FRK: variants seen among roughly 807,000 people sequenced by gnomAD.
FRK encodes tyrosine-protein kinase FRK.
FRK carries 51 observed loss-of-function variants against 56.4 expected under a neutral mutation model. The ratio of observed to expected loss-of-function variants is 0.90; its 90% CI spans 0.72 to 1.14. The LOEUF (loss-of-function observed/expected upper bound fraction) is 1.14. Ranked by LOEUF, FRK falls within the 50% of genes most tolerant of loss-of-function variation. FRK has a pLI of 0.00. For synonymous variants in FRK, 245 were observed against 217.9 expected (o/e 1.12, Z -1.10); for missense variants, 570 against 601.4 (o/e 0.95, Z 0.55).
intron 2 of FRK, among the ~76,000 whole-genome samples, chr6:115,984,754 T>TAA (rs71012318): frequency 1.8e-4 from 26 of 141,748 alleles, no homozygotes; most frequent in Non-Finnish European, 1.8e-4. Context: ...AAGGGGAGAT[T>TAA]AAAAAAAAAA....
chr6:116,090,510 GC>G, the FRK span, among the ~76,000 whole-genome samples: 3 of 152,196 alleles, frequency 2.0e-5, no homozygotes, highest in Non-Finnish European at 2.9e-5. Flanking sequence ...GCCTGAAATG[GC>G]CGCATGGTTT....
At chr6:116,046,644 TA>T (rs2114803567) in intron 1 of FRK, among the ~76,000 whole-genome samples, 1 of 151,962 alleles carries the variant, frequency 6.6e-6, no homozygotes, top group Admixed American at 6.6e-5. Context: ...GGTAGGGGGC[TA>T]GGGGAGGGAT....
Position 115,937,066 on chromosome 6 carries a change from C to T in FRK, c.*5348G>A, listed in dbSNP as rs773643682. ...GAAATGAAGGAAAAAATGTTAAGGG[C>T]AGCCAGAGAGAAAGGTCAGGTTAGC... On this transcript the variant is annotated 3_prime_UTR_variant, in exon 8 of 8. Coordinates refer to ENST00000606080, the MANE Select transcript of FRK (RefSeq NM_002031.3). The T allele has an allele frequency of 6.6e-6, 1 of 152,170 alleles. No individual in the cohort carries two copies. The highest frequency in any genetic ancestry group is 2.1e-4 in the South Asian group (1 of 4,824). 9.4% of individuals were successfully genotyped at this position (152,170 alleles called of 1,614,324 possible). A position where few individuals can be genotyped will look rare whatever the true frequency, so the allele number is the denominator to read the frequency against.
At chr6:115,974,499 G>A (rs191736078) in intron 2 of FRK, among the ~76,000 whole-genome samples, 8 of 152,148 alleles carry the variant, frequency 5.3e-5, no homozygotes, top group Admixed American at 4.6e-4. Flanking sequence ...TTTGCTTAAC[G>A]GAAAAAGCAA....
At chr6:115,958,799 AAAG>A (rs1301335365) in intron 4 of FRK, among the ~76,000 whole-genome samples, 1 of 46,742 alleles carries the variant, frequency 2.1e-5, no homozygotes, top group African/African-American at 9.0e-5. Flanking sequence ...AAAGAAAGAA[AAAG>A]AAAGAAAGAA....
rs76623437 is a variant in FRK, at chr6:115,999,125, T to C, written c.466+4752A>G. 8.2e-3 allele frequency among the ~76,000 whole-genome samples: 1,251 copies of C among 152,284 alleles called. 15 individuals carry two copies. The highest frequency in any genetic ancestry group is 0.028 in the African/African-American group (1,168 of 41,558). The stretch of plus-strand genomic sequence containing the variant: ...ACCAGTAAATTAATATTAATGGTAA[T>C]AACAATAATAGTTTCCTTTAAAGTA... On this transcript the variant is annotated intron_variant, in intron 2 of 7. Coordinates refer to ENST00000606080, the MANE Select transcript of FRK (RefSeq NM_002031.3).
intron 2 of FRK, among the ~76,000 whole-genome samples, chr6:115,974,056 A>G (rs187290772): frequency 1.6e-4 from 24 of 152,334 alleles, no homozygotes; most frequent in African/African-American, 5.8e-4. Context: ...TATCAAAAAG[A>G]GAAGTCCATA....
chr6:116,095,472 A>G, the FRK span, among the ~76,000 whole-genome samples: 131 of 152,352 alleles, frequency 8.6e-4, no homozygotes, highest in African/African-American at 2.9e-3. Context: ...GTTTTCAACA[A>G]AAGTAAAGTT....
chr6:115,948,885 T>C (rs921277724), intron 5 of FRK, among the ~76,000 whole-genome samples: 7 of 152,334 alleles, frequency 4.6e-5, no homozygotes, highest in Admixed American at 3.3e-4. Flanking sequence ...ACATGAACTA[T>C]GAAGCCAAAC....
intron 1 of FRK, among the ~76,000 whole-genome samples, chr6:116,039,671 C>A (rs1776637150): frequency 6.6e-6 from 1 of 152,046 alleles, no homozygotes; most frequent in Non-Finnish European, 1.5e-5. Flanking sequence ...TGGTTGGGAC[C>A]AGGCCACTCC....
chr6:116,002,591 C>T (rs960476133), intron 2 of FRK: 22 of 403,628 alleles, frequency 5.5e-5, no homozygotes, highest in South Asian at 1.8e-4. Flanking sequence ...AGCCATAGAG[C>T]GACACTCCGT....
At chr6:115,992,808 T>G (rs1366436396) in intron 2 of FRK, among the ~76,000 whole-genome samples, 1 of 151,766 alleles carries the variant, frequency 6.6e-6, no homozygotes, top group East Asian at 1.9e-4. Flanking sequence ...TATGAAGGGC[T>G]TAAATGTCAA....
chr6:116,068,698 A>G, the FRK span, among the ~76,000 whole-genome samples: 1 of 152,150 alleles, frequency 6.6e-6, no homozygotes. Context: ...TGTTTTCAAT[A>G]CTTACAGAGC....
chr6:116,024,057 TACACAC>T (rs55922355), intron 1 of FRK, among the ~76,000 whole-genome samples: 31,219 of 136,394 alleles, frequency 0.23, 4,152 homozygotes, highest in Middle Eastern at 0.37. Context: ...CCTGAGAACT[TACACAC>T]ACACACACAC....
chr6:115,952,623 G>A (rs1300131148), intron 5 of FRK, among the ~76,000 whole-genome samples: 2 of 151,528 alleles, frequency 1.3e-5, no homozygotes, highest in African/African-American at 4.9e-5. Context: ...ACATGCACAT[G>A]TATGTTTATT....
At chr6:115,980,611 C>T (rs1774163516) in intron 2 of FRK, among the ~76,000 whole-genome samples, 1 of 152,068 alleles carries the variant, frequency 6.6e-6, no homozygotes, top group Admixed American at 6.6e-5. Context: ...AGTTATACTG[C>T]CTTTAAAATA....
intron 2 of FRK, among the ~76,000 whole-genome samples, 171 bp from the exon 3 acceptor site, chr6:115,968,910 AAG>A (rs1314505705): frequency 6.6e-6 from 1 of 152,220 alleles, no homozygotes; most frequent in Non-Finnish European, 1.5e-5. Flanking sequence ...TATAGAACAA[AAG>A]AGAGAGTGTG....
intron 2 of FRK, among the ~76,000 whole-genome samples, chr6:115,981,533 G>C (rs983224677): frequency 6.6e-6 from 1 of 151,980 alleles, no homozygotes; most frequent in Non-Finnish European, 1.5e-5. Flanking sequence ...CTTTCTGAGG[G>C]AAATCTTTCC....
chr6:116,030,450 T>C (rs986056576), intron 1 of FRK, among the ~76,000 whole-genome samples: 7 of 152,122 alleles, frequency 4.6e-5, no homozygotes, highest in Non-Finnish European at 7.4e-5. Context: ...AAGCTCCTAA[T>C]CCTTTGGAAT....
Sources: allele counts gnomAD v4.1 joint callset (sites outside exome capture counted in the v4.1 genomes callset), GRCh38; gene constraint gnomAD v4.1.1; transcripts MANE v1.5; gene names NCBI Gene and HGNC (gene_info 2026-07-23, HGNC 2026-07-21).